CACNA1B: variants seen among roughly 807,000 people sequenced by gnomAD.
CACNA1B encodes voltage-dependent N-type calcium channel subunit alpha-1B.
In CACNA1B, 70 loss-of-function variants were observed where a neutral mutation model predicts 247.2. The ratio of observed to expected loss-of-function variants is 0.28; its 90% confidence interval spans 0.23 to 0.35. The LOEUF (loss-of-function observed/expected upper bound fraction) is 0.35, where lower values mean the gene tolerates loss of function less well. Ranked by LOEUF, CACNA1B falls within the 10% of genes least tolerant of loss-of-function variation. CACNA1B has a pLI of 1.00. For missense variants in CACNA1B, 2,367 were observed against 3,197.4 expected, an observed-to-expected ratio of 0.74 and a Z score of 6.26; for synonymous variants, 1,231 against 1,294.4, an observed-to-expected ratio of 0.95 and a Z score of 1.05.
intron 6 of CACNA1B, among the ~76,000 whole-genome samples, chr9:137,945,073 T>G (rs1425434032): frequency 2.6e-5 from 4 of 152,228 alleles, no homozygotes; most frequent in African/African-American, 9.6e-5. Flanking sequence ...TTACCCTGCC[T>G]TTTGCAAAAC....
chr9:138,022,927 A>G (rs1958866598), intron 18 of CACNA1B, 84 bp from the exon 19 acceptor site: 1 of 1,412,614 alleles, frequency 7.1e-7, no homozygotes. Context: ...CCATTACTCC[A>G]TTGCTGTGTG....
intron 39 of CACNA1B, 146 bp from the exon 40 acceptor site, chr9:138,112,252 T>G (rs915836117): frequency 1.6e-6 from 1 of 640,610 alleles, no homozygotes; most frequent in Admixed American, 2.2e-5. Context: ...TTGTTCCCAC[T>G]GCACCCTCCT....
rs1293554984 is a variant in CACNA1B, at chr9:138,121,007, G to T, written c.6489+126G>T. 1.8e-6 allele frequency: 2 copies of T among 1,135,388 alleles called. No individual in the cohort carries two copies. Among genetic ancestry groups the T allele is most frequent in the South Asian group, 3.0e-5 (2 of 66,644 alleles). 70.3% of individuals were successfully genotyped at this position (1,135,388 alleles called of 1,614,324 possible). A position where few individuals can be genotyped will look rare whatever the true frequency, so the allele number is the denominator to read the frequency against. On this transcript the variant is annotated intron_variant, in intron 46 of 46. Coordinates refer to ENST00000371372, the MANE Select transcript of CACNA1B (RefSeq NM_000718.4). This position sits in a 1 kb window ranked among gnomAD's most constrained non-coding sequence, Gnocchi z 6.8. ...CCTTTGTCATTCCCAGCAACCCAAG[G>T]GCCGGGCGCTCCCCTCTGTGCCCTG...
At chr9:138,070,028 A>T (rs777960438) in intron 32 of CACNA1B, among the ~76,000 whole-genome samples, 9 of 152,020 alleles carry the variant, frequency 5.9e-5, no homozygotes, top group Non-Finnish European at 1.0e-4. Flanking sequence ...AAGGAGAGGG[A>T]GGTGGGGTTT....
At chr9:138,090,284 A>G (rs11137367) in intron 36 of CACNA1B, among the ~76,000 whole-genome samples, 25 of 152,290 alleles carry the variant, frequency 1.6e-4, no homozygotes, top group African/African-American at 5.3e-4. Flanking sequence ...TAACAAAAGC[A>G]CCAAGAACAT....
rs202222574 is a variant in CACNA1B at position 138,124,279 on chromosome 9, T to A, written c.*2280T>A. ...GAACAAGTTATGTGTGCATGTAACA[T>A]ATATACATATATACATATATACAAG... On this transcript the variant is annotated 3_prime_UTR_variant, in exon 47 of 47. Coordinates refer to ENST00000371372, the MANE Select transcript of CACNA1B (RefSeq NM_000718.4). The A allele has an allele frequency of 2.0e-5, 3 of 152,150 alleles. No individual in the cohort carries two copies. The highest frequency in any genetic ancestry group is 4.4e-5 in the Non-Finnish European group (3 of 68,012). The allele number at this position is 152,150 out of a possible 1,614,324, so 9.4% of individuals were successfully genotyped here. A position where few individuals can be genotyped will look rare whatever the true frequency, so the allele number is the denominator to read the frequency against.
chr9:138,040,500 G>C lies in CACNA1B; in HGVS notation c.3287-3274G>C, dbSNP rs528350343. 1.3e-5 allele frequency: 4 copies of C among 307,138 alleles called. No homozygotes were observed. The East Asian group carries it at 4.1e-4, about 31-fold the overall frequency. The allele number at this position is 307,138 out of a possible 1,614,324, so 19.0% of individuals were successfully genotyped here. ...ATATATCATATATATATATATAAATGATATATGTATGGGAGTTTATTAAGT... is the reference window on the plus strand; with the variant it reads ...ATATATCATATATATATATATAAATCATATATGTATGGGAGTTTATTAAGT... On this transcript the variant is annotated intron_variant, in intron 20 of 46. Transcript: ENST00000371372.
intron 37 of CACNA1B, among the ~76,000 whole-genome samples, chr9:138,098,425 C>T (rs773817360): frequency 6.6e-6 from 1 of 151,948 alleles, no homozygotes; most frequent in Non-Finnish European, 1.5e-5. Context: ...GCTGCTTTTT[C>T]TGGGTGTATT....
At chr9:137,933,587 C>T (rs1256578288) in intron 6 of CACNA1B, among the ~76,000 whole-genome samples, 2 of 152,152 alleles carry the variant, frequency 1.3e-5, no homozygotes, top group Non-Finnish European at 2.9e-5. Context: ...CATCCAGGCT[C>T]ATTAGTTTGA....
chr9:138,013,803 G>C (rs941944871), intron 18 of CACNA1B, among the ~76,000 whole-genome samples: 1 of 152,266 alleles, frequency 6.6e-6, no homozygotes, highest in South Asian at 2.1e-4. Context: ...AGGGCCAAAG[G>C]CTGCACTGAG....
chr9:138,085,991 GAGAA>G (rs1270602702), intron 36 of CACNA1B, among the ~76,000 whole-genome samples: 1 of 150,958 alleles, frequency 6.6e-6, no homozygotes, highest in African/African-American at 2.5e-5. Context: ...TTTCACAAAA[GAGAA>G]AGAGAAAATA....
Position 138,115,666 on chromosome 9 carries a change from A to G in CACNA1B, c.5764A>G (p.Asn1922Asp). 1 of 1,613,102 alleles carries G rather than the reference A, an allele frequency of 6.2e-7. No homozygotes were observed. ...ACAGAAGAGTTCCACCTCCCTCAGC[A>G]ATGGCGGGGCCATGTGAGTATCCAG... Reference protein sequence around the residue: ...LRQKSSTSLSNGGAIQNQESG... With the variant: ...LRQKSSTSLSDGGAIQNQESG... Residue 1922 changes from asparagine to aspartate, a missense_variant, in exon 42 of 47, where the codon AAT (asparagine) becomes GAT (aspartate). Physicochemically the swap from Asn to Asp is conservative, Grantham distance 23. Transcript: ENST00000371372.
chr9:138,026,130 A>G (rs1427897145), intron 20 of CACNA1B, among the ~76,000 whole-genome samples: 3 of 152,164 alleles, frequency 2.0e-5, no homozygotes, highest in Admixed American at 6.5e-5. Context: ...AGACACACAC[A>G]TGTGCATGAC....
intron 36 of CACNA1B, among the ~76,000 whole-genome samples, chr9:138,094,483 C>T (rs1960995079): frequency 7.8e-6 from 1 of 127,626 alleles, no homozygotes; most frequent in Non-Finnish European, 1.8e-5. Flanking sequence ...AAAGTGAACA[C>T]TCAAACTTCT....
chr9:138,078,046 G>A, intron 35 of CACNA1B, 68 bp from the exon 36 acceptor site: 2 of 1,475,704 alleles, frequency 1.4e-6, no homozygotes, highest in Non-Finnish European at 1.9e-6. Context: ...GGCACGCTTG[G>A]TAGCCCCACA....
At chr9:138,024,149 G>A (rs1958890207) in intron 19 of CACNA1B, among the ~76,000 whole-genome samples, 1 of 152,214 alleles carries the variant, frequency 6.6e-6, no homozygotes, top group Admixed American at 6.5e-5. Context: ...AAGTGGCCCT[G>A]GGAGAAGAGA....
intron 15 of CACNA1B, among the ~76,000 whole-genome samples, chr9:137,993,265 TAAA>T (rs1169410844): frequency 6.6e-6 from 1 of 152,086 alleles, no homozygotes; most frequent in Non-Finnish European, 1.5e-5. Flanking sequence ...TTTAGATAAA[TAAA>T]AAGATAAATT....
intron 36 of CACNA1B, among the ~76,000 whole-genome samples, chr9:138,094,118 A>G (rs749475410): frequency 3.9e-5 from 6 of 152,226 alleles, no homozygotes; most frequent in Admixed American, 6.5e-5. Context: ...GACACATTCT[A>G]CAATGTGAAT....
At chr9:138,089,106 T>A (rs985565895) in intron 36 of CACNA1B, among the ~76,000 whole-genome samples, 18 of 151,548 alleles carry the variant, frequency 1.2e-4, no homozygotes, top group African/African-American at 4.1e-4. Context: ...GAGGAGGGAA[T>A]TCTTCTAAAC....
Sources: allele counts gnomAD v4.1 joint callset (sites outside exome capture counted in the v4.1 genomes callset), GRCh38; gene constraint gnomAD v4.1.1; non-coding constraint Gnocchi (gnomAD v3.1); transcripts MANE v1.5; gene names NCBI Gene and HGNC (gene_info 2026-07-23, HGNC 2026-07-21).